The following INSL6 variants were observed in gnomAD, a reference collection of about 807,000 sequenced individuals.
INSL6 encodes the protein insulin-like peptide INSL6.
A neutral mutation model predicts 9.4 loss-of-function variants in INSL6; 16 were observed. The observed-to-expected ratio is 1.70, with a 90% CI of 1.15 to 2.59. INSL6 has a LOEUF of 2.59. Ranked by LOEUF, INSL6 falls within the 30% of genes most tolerant of loss-of-function variation. The pLI, the probability that INSL6 is intolerant of heterozygous loss-of-function variation, is 0.00. For missense variants in INSL6, 391 were observed against 257.3 expected (o/e 1.52, Z -3.56); for synonymous variants, 154 against 96.9 (o/e 1.59, Z -3.46).
the INSL6 span, among the ~76,000 whole-genome samples, chr9:4,999,939 C>T: frequency 3.3e-4 from 50 of 152,194 alleles, 1 homozygote; most frequent in East Asian, 9.1e-3. Context: ...ATATCTTTGC[C>T]AACACTGGGT....
At chr9:5,100,595 G>T in the INSL6 span, 3 of 152,170 alleles carry the variant, frequency 2.0e-5, no homozygotes, top group East Asian at 5.8e-4. Flanking sequence ...CCCCCAACAG[G>T]CATTTTTCCC....
the INSL6 span, among the ~76,000 whole-genome samples, chr9:5,026,583 A>G: frequency 6.6e-6 from 1 of 152,216 alleles, no homozygotes; most frequent in Non-Finnish European, 1.5e-5. Context: ...AATATATAGG[A>G]TTAAAAAAAT....
chr9:5,172,841 T>C (rs536730341), intron 1 of INSL6, among the ~76,000 whole-genome samples: 452 of 151,960 alleles, frequency 3.0e-3, no homozygotes, highest in African/African-American at 0.011. Flanking sequence ...GGCAGGAGAA[T>C]TGCTTGAACC....
At chr9:5,072,445 G>A in the INSL6 span, 124 of 1,408,268 alleles carry the variant, frequency 8.8e-5, no homozygotes, top group African/African-American at 7.7e-4. Flanking sequence ...TTCCTACTTC[G>A]TTCTCCATCT....
At chr9:5,116,792 T>G in the INSL6 span, among the ~76,000 whole-genome samples, 1 of 152,182 alleles carries the variant, frequency 6.6e-6, no homozygotes, top group Non-Finnish European at 1.5e-5. Context: ...AACTGACAGG[T>G]CCACTACCCA....
At chr9:5,163,116 A>G (rs528917648), downstream of INSL6, among the ~76,000 whole-genome samples, 40 of 152,332 alleles carry the variant, frequency 2.6e-4, no homozygotes, top group African/African-American at 9.6e-4. Flanking sequence ...AGAATAGCCT[A>G]GAAGCCTTAT....
the INSL6 span, among the ~76,000 whole-genome samples, chr9:4,995,647 T>C: frequency 6.6e-6 from 1 of 152,226 alleles, no homozygotes; most frequent in Non-Finnish European, 1.5e-5. Context: ...TGAACATTTC[T>C]ATTTATTTGT....
At chr9:5,071,606 A>C in the INSL6 span, among the ~76,000 whole-genome samples, 349 of 152,326 alleles carry the variant, frequency 2.3e-3, 12 homozygotes, top group East Asian at 0.055. Context: ...TGAAGAAATT[A>C]AGAATGCAGC....
the INSL6 span, among the ~76,000 whole-genome samples, chr9:5,056,669 G>C: frequency 6.6e-6 from 1 of 152,108 alleles, no homozygotes; most frequent in Non-Finnish European, 1.5e-5. Flanking sequence ...TCAGGGCCTA[G>C]TTTAGAAAAA....
the INSL6 span, chr9:5,111,922 A>G: frequency 5.9e-6 from 2 of 340,528 alleles, no homozygotes; most frequent in Non-Finnish European, 1.2e-5. Flanking sequence ...GCCTCAATCT[A>G]CTCTCCGGAT....
At chr9:5,180,632 G>A (rs1353828953) in intron 1 of INSL6, among the ~76,000 whole-genome samples, 3 of 152,118 alleles carry the variant, frequency 2.0e-5, no homozygotes, top group African/African-American at 7.2e-5. Flanking sequence ...GCTTACTAGG[G>A]TGGGGAAAAA....
the INSL6 span, among the ~76,000 whole-genome samples, chr9:5,047,392 C>G: frequency 6.6e-6 from 1 of 152,052 alleles, no homozygotes; most frequent in Admixed American, 6.6e-5. Flanking sequence ...GTAAGATGGC[C>G]CTTTTAAATT....
intron 1 of INSL6, 127 bp downstream of exon 1, chr9:5,185,187 A>C: frequency 1.6e-6 from 2 of 1,216,860 alleles, no homozygotes; most frequent in Non-Finnish European, 2.4e-6. Context: ...GTTTTTTACA[A>C]TTTTTTAAAG....
At chr9:5,161,600 G>A (rs1824928022), downstream of INSL6, among the ~76,000 whole-genome samples, 1 of 152,090 alleles carries the variant, frequency 6.6e-6, no homozygotes, top group Non-Finnish European at 1.5e-5. Flanking sequence ...AATCAGACAA[G>A]AGAAAGAAAC....
chr9:5,049,592 A>G, the INSL6 span, among the ~76,000 whole-genome samples: 4 of 152,168 alleles, frequency 2.6e-5, no homozygotes, highest in Non-Finnish European at 5.9e-5. Flanking sequence ...TGCTTCCTAT[A>G]TCATGTCTGG....
the INSL6 span, among the ~76,000 whole-genome samples, chr9:5,038,169 T>C: frequency 6.6e-6 from 1 of 152,202 alleles, no homozygotes; most frequent in South Asian, 2.1e-4. Flanking sequence ...ATACAGTGTT[T>C]TTAATGCCAA....
intron 1 of INSL6, among the ~76,000 whole-genome samples, chr9:5,177,719 G>A (rs1825343207): frequency 6.6e-6 from 1 of 152,204 alleles, no homozygotes; most frequent in African/African-American, 2.4e-5. Flanking sequence ...ACGGGACAGA[G>A]TTCCTGGGAG....
At chr9:5,149,732 A>C (rs1824675708) in intron 2 of INSL6, among the ~76,000 whole-genome samples, 1 of 152,204 alleles carries the variant, frequency 6.6e-6, no homozygotes, top group African/African-American at 2.4e-5. Flanking sequence ...TTAGAAAAAA[A>C]AATCCTAAAA....
chr9:5,156,712 A>T (rs1564045378), intron 2 of INSL6, among the ~76,000 whole-genome samples: 1 of 152,224 alleles, frequency 6.6e-6, no homozygotes, highest in African/African-American at 2.4e-5. Flanking sequence ...TAAAGACATT[A>T]TATTGGAAAA....
Sources: allele counts gnomAD v4.1 joint callset (sites outside exome capture counted in the v4.1 genomes callset), GRCh38; gene constraint gnomAD v4.1.1; transcripts MANE v1.5; gene names NCBI Gene and HGNC (gene_info 2026-07-23, HGNC 2026-07-21).